The following CCDC85A variants were observed in gnomAD, a reference collection of about 807,000 sequenced individuals.
The protein encoded by CCDC85A is coiled-coil domain containing 85A, also known as coiled-coil domain-containing protein 85A.
In CCDC85A, 38 loss-of-function variants were observed where a neutral mutation model predicts 50.2. The ratio of observed to expected loss-of-function variants is 0.76; its 90% CI spans 0.58 to 0.99. CCDC85A has a LOEUF of 0.99. Ranked by LOEUF, CCDC85A falls within the 50% of genes least tolerant of loss-of-function variation. The pLI, the probability that CCDC85A is intolerant of heterozygous loss-of-function variation, is 0.00. For synonymous variants in CCDC85A, 366 were observed against 301.4 expected, an observed-to-expected ratio of 1.21 and a Z score of -2.22; for missense variants, 820 against 742.0, an observed-to-expected ratio of 1.11 and a Z score of -1.22.
chr2:56,315,108 C>T lies in CCDC85A; in HGVS notation c.1241-27771C>T, dbSNP rs1007245645. Among the ~76,000 whole-genome samples, 3 of 152,154 alleles carry T rather than the reference C, an allele frequency of 2.0e-5. No individual in the cohort carries two copies. In the East Asian group the frequency reaches 5.8e-4, roughly 29 times the overall value. On this transcript the variant is annotated intron_variant, in intron 2 of 5. Coordinates refer to ENST00000407595, the MANE Select transcript of CCDC85A (RefSeq NM_001080433.2). ...TAACCTCCACACAGAGCATTATTTT[C>T]GCCACTGGGAATGTGTTTTCCTCTT...
At chr2:56,341,005 T>G (rs574223950) in intron 2 of CCDC85A, among the ~76,000 whole-genome samples, 1 of 152,234 alleles carries the variant, frequency 6.6e-6, no homozygotes, top group East Asian at 1.9e-4. Context: ...GACTTGGGTT[T>G]TATACATTGG....
intron 2 of CCDC85A, among the ~76,000 whole-genome samples, chr2:56,196,800 A>C (rs1199765596): frequency 2.0e-5 from 3 of 152,066 alleles, no homozygotes; most frequent in Non-Finnish European, 4.4e-5. Context: ...TTCTAGAAGC[A>C]CATATTGCTG....
chr2:56,337,147 C>T (rs1045355197), intron 2 of CCDC85A, among the ~76,000 whole-genome samples: 14 of 152,140 alleles, frequency 9.2e-5, no homozygotes, highest in Admixed American at 7.9e-4. Flanking sequence ...TTAGAAGATG[C>T]GGAATTTAAT....
intron 2 of CCDC85A, among the ~76,000 whole-genome samples, chr2:56,194,709 G>C (rs1258226322): frequency 6.6e-6 from 1 of 152,202 alleles, no homozygotes; most frequent in African/African-American, 2.4e-5. Flanking sequence ...AAATAAAAAG[G>C]TTGGGAAAGA....
At chr2:56,249,476 A>G (rs1393986074) in intron 2 of CCDC85A, among the ~76,000 whole-genome samples, 1 of 152,180 alleles carries the variant, frequency 6.6e-6, no homozygotes, top group African/African-American at 2.4e-5. Context: ...ACAATCCCAT[A>G]CAGGGCCTAT....
chr2:56,201,070 C>T (rs912151936), intron 2 of CCDC85A, among the ~76,000 whole-genome samples: 7 of 95,838 alleles, frequency 7.3e-5, no homozygotes, highest in African/African-American at 2.3e-4. Flanking sequence ...ATTATTTCAT[C>T]TCTCTCCACA....
chr2:56,268,941 G>C (rs941232494), intron 2 of CCDC85A, among the ~76,000 whole-genome samples: 2 of 152,074 alleles, frequency 1.3e-5, no homozygotes, highest in African/African-American at 4.8e-5. Flanking sequence ...TACATTTTTA[G>C]GATTGCTGTC....
At chr2:56,371,371 T>C (rs766252926) in intron 3 of CCDC85A, among the ~76,000 whole-genome samples, 51 of 152,092 alleles carry the variant, frequency 3.4e-4, no homozygotes, top group Non-Finnish European at 6.6e-4. Context: ...ACTATTCAGA[T>C]ATAGGCCGCT....
At chr2:56,205,604 G>A (rs1273313808) in intron 2 of CCDC85A, among the ~76,000 whole-genome samples, 1 of 152,178 alleles carries the variant, frequency 6.6e-6, no homozygotes, top group Non-Finnish European at 1.5e-5. Flanking sequence ...ATGGCAGTAA[G>A]GGGAAGCATG....
intron 2 of CCDC85A, among the ~76,000 whole-genome samples, chr2:56,269,297 C>T (rs944458532): frequency 2.1e-4 from 31 of 151,206 alleles, no homozygotes; most frequent in African/African-American, 7.5e-4. Flanking sequence ...AGCTGGCTCC[C>T]AAAATGCCCA....
At chr2:56,300,070 A>C (rs1050394224) in intron 2 of CCDC85A, among the ~76,000 whole-genome samples, 5 of 152,166 alleles carry the variant, frequency 3.3e-5, no homozygotes, top group African/African-American at 9.7e-5. Context: ...AGCATTCAGA[A>C]ACAGAGAGTA....
chr2:56,298,854 C>A (rs1023582020), intron 2 of CCDC85A, among the ~76,000 whole-genome samples: 2 of 152,030 alleles, frequency 1.3e-5, no homozygotes, highest in African/African-American at 4.8e-5. Flanking sequence ...ATTAGCTAGC[C>A]AAATTTCAAG....
intron 2 of CCDC85A, among the ~76,000 whole-genome samples, chr2:56,197,857 C>G (rs1044501808): frequency 6.6e-6 from 1 of 152,218 alleles, no homozygotes; most frequent in Non-Finnish European, 1.5e-5. Context: ...GAAGGCAACT[C>G]TGACATATGA....
Position 56,192,601 on chromosome 2 carries a change from C to T in CCDC85A, c.401C>T (p.Ala134Val), listed in dbSNP as rs1444832174. 6.2e-7 allele frequency: 1 copy of T among 1,613,848 alleles called. No homozygotes were observed. The highest frequency in any genetic ancestry group is 8.5e-7 in the Non-Finnish European group (1 of 1,179,856). The change falls in exon 2 of 6, where the codon GCC becomes GTC. Residue 134 changes from alanine to valine, a missense_variant. Physicochemically the swap from Ala to Val is moderately conservative, Grantham distance 64. Coordinates refer to ENST00000407595, the MANE Select transcript of CCDC85A (RefSeq NM_001080433.2). This position sits in a 1 kb window ranked among gnomAD's most constrained non-coding sequence, Gnocchi z 4.7. ...TGGCAGAGACTGGGTCGCTACACTG[C>T]CGGGGTGATGCACAAGGAAGTGGCC... ...REWQRLGRYT[A>V]GVMHKEVALY...
intron 2 of CCDC85A, among the ~76,000 whole-genome samples, chr2:56,302,391 G>A (rs1672251134): frequency 6.6e-6 from 1 of 152,200 alleles, no homozygotes; most frequent in African/African-American, 2.4e-5. Context: ...GCTGTAATGA[G>A]GGGCTTCTGA....
intron 2 of CCDC85A, among the ~76,000 whole-genome samples, chr2:56,226,510 A>AT (rs201864616): frequency 3.3e-4 from 50 of 149,526 alleles, no homozygotes; most frequent in East Asian, 1.2e-3. Flanking sequence ...ACTATGTCAT[A>AT]TTTTTTTTTT....
Position 56,287,149 on chromosome 2 carries a change from A to G in CCDC85A, c.1241-55730A>G, listed in dbSNP as rs13394902. On this transcript the variant is annotated intron_variant, in intron 2 of 5. Transcript: ENST00000407595. Reference sequence around the variant, plus strand: ...AGGCTTGCAGTAGTTACTTTCTGCTAGGGCTGACAGAGTTTCACTCTTCAC... The same window carrying G: ...AGGCTTGCAGTAGTTACTTTCTGCTGGGGCTGACAGAGTTTCACTCTTCAC... 7.2e-3 allele frequency among the ~76,000 whole-genome samples: 1,089 copies of G among 152,280 alleles called. 10 individuals are homozygous for G. Among genetic ancestry groups the G allele is most frequent in the African/African-American group, 0.025 (1,045 of 41,552 alleles).
chr2:56,193,255 C>T lies in CCDC85A; in HGVS notation c.1055C>T (p.Pro352Leu). The change falls in exon 2 of 6, where the codon CCC (proline) becomes CTC (leucine). Residue 352 changes from proline to leucine, a missense_variant. Pro to Leu is a moderately conservative substitution (Grantham distance 98). Transcript: ENST00000407595. ...CTTGGGGGGAGCCTAGAGCATCTCC[C>T]CAGAGCCAGGGGCACCAGCCCGGAG... ...HALGGSLEHL[P>L]RARGTSPEHL... The T allele has an allele frequency of 6.2e-7, 1 of 1,610,984 alleles. No homozygotes were observed. The highest frequency in any genetic ancestry group is 8.5e-7 in the Non-Finnish European group (1 of 1,179,006).
intron 2 of CCDC85A, among the ~76,000 whole-genome samples, chr2:56,212,244 C>G (rs1290058458): frequency 6.6e-6 from 1 of 151,984 alleles, no homozygotes; most frequent in Non-Finnish European, 1.5e-5. Context: ...AGTATTTATC[C>G]CAGTATAATA....
Sources: allele counts gnomAD v4.1 joint callset (sites outside exome capture counted in the v4.1 genomes callset), GRCh38; gene constraint gnomAD v4.1.1; non-coding constraint Gnocchi (gnomAD v3.1); transcripts MANE v1.5; gene names NCBI Gene and HGNC (gene_info 2026-07-23, HGNC 2026-07-21).